Variants in SNED1 observed in about 807,000 individuals in gnomAD.
SNED1 encodes sushi, nidogen and EGF-like domain-containing protein 1.
SNED1 carries 81 observed loss-of-function variants against 166.7 expected under a neutral mutation model. That is an observed-to-expected ratio of 0.49 (90% CI 0.41 to 0.58). The LOEUF (loss-of-function observed/expected upper bound fraction) is 0.58. Among genes scored for constraint, SNED1 ranks in the 20% least tolerant of loss-of-function variants. The probability of loss-of-function intolerance (pLI) is 0.00; values close to 1 mark genes in which losing one functional copy is unlikely to be tolerated. For synonymous variants in SNED1, 762 were observed against 822.0 expected, an observed-to-expected ratio of 0.93 and a Z score of 1.25; for missense variants, 1,604 against 2,000.2, an observed-to-expected ratio of 0.80 and a Z score of 3.78.
rs2061219716 is a variant in SNED1, at chr2:241,032,566, A to G, written c.502-1169A>G. On this transcript the variant is annotated intron_variant, in intron 2 of 31. Coordinates refer to ENST00000310397, the MANE Select transcript of SNED1 (RefSeq NM_001080437.3). ...TAGGTAATGGGTGCAGCACACCAAC[A>G]TGGCACATGTATACATATGTAACAA... Among the ~76,000 whole-genome samples the G allele has an allele frequency of 3.9e-5, 6 of 152,118 alleles. 1 individual carries two copies. The South Asian group carries it at 1.2e-3, about 32-fold the overall frequency.
At chr2:241,020,547 T>C (rs1463970957) in intron 1 of SNED1, among the ~76,000 whole-genome samples, 1 of 152,248 alleles carries the variant, frequency 6.6e-6, no homozygotes, top group Non-Finnish European at 1.5e-5. Flanking sequence ...CTCTTGGCTT[T>C]GGTACTCTTG....
At chr2:241,045,324 G>A (rs935956229) in intron 8 of SNED1, among the ~76,000 whole-genome samples, 7 of 152,176 alleles carry the variant, frequency 4.6e-5, no homozygotes, top group Non-Finnish European at 1.0e-4. Context: ...TATATGGCAA[G>A]AAAAAGAATT....
At chr2:241,016,389 T>C (rs1032279506) in intron 1 of SNED1, among the ~76,000 whole-genome samples, 5 of 151,976 alleles carry the variant, frequency 3.3e-5, no homozygotes, top group Non-Finnish European at 5.9e-5. Flanking sequence ...TTAGTAGAGA[T>C]GGGGTTTCAC....
chr2:241,083,753 C>T (rs576709173), intron 29 of SNED1, among the ~76,000 whole-genome samples: 2 of 152,166 alleles, frequency 1.3e-5, no homozygotes, highest in Non-Finnish European at 2.9e-5. Context: ...TTTAACCTAT[C>T]TGCATATTTC....
At chr2:241,031,946 C>G (rs1223900911) in intron 2 of SNED1, among the ~76,000 whole-genome samples, 2 of 152,224 alleles carry the variant, frequency 1.3e-5, no homozygotes, top group African/African-American at 4.8e-5. Flanking sequence ...ATACCAGGGG[C>G]CTGAGGCGGG....
Position 241,071,703 on chromosome 2 carries a change from CCCCACCCA to C in SNED1, c.3718_3725del (p.Pro1240AlafsTer56). On this transcript the variant is annotated frameshift_variant, in exon 25 of 32. Transcript: ENST00000310397. LOFTEE classifies it high-confidence loss of function. ...TCAATGACCACAGCGCCCCCGAGAC[CCCCACCCA>C]GCCCCCCAGGTACATGCCCCACCCA... 1 of 1,499,144 alleles carries C rather than the reference CCCCACCCA, an allele frequency of 6.7e-7. No individual in the cohort carries two copies. Among genetic ancestry groups the C allele is most frequent in the Non-Finnish European group, 9.0e-7 (1 of 1,113,516 alleles). The allele number at this position is 1,499,144 out of a possible 1,614,324, so 92.9% of individuals were successfully genotyped here. A position where few individuals can be genotyped will look rare whatever the true frequency, so the allele number is the denominator to read the frequency against.
chr2:241,090,481 G>A (rs748137967), intron 31 of SNED1: 15 of 1,507,578 alleles, frequency 9.9e-6, no homozygotes, highest in African/African-American at 5.5e-5. Flanking sequence ...TAGTAAATAC[G>A]TAAACCAGTA....
Position 241,013,854 on chromosome 2 carries a change from A to G in SNED1, c.213+14804A>G, listed in dbSNP as rs899900871. On this transcript the variant is annotated intron_variant, in intron 1 of 31. Coordinates refer to ENST00000310397, the MANE Select transcript of SNED1 (RefSeq NM_001080437.3). The surrounding 1 kb of genome is among the most constrained non-coding windows in gnomAD (Gnocchi z 4.6). ...CATCCGTCAGCAAACACTTAGGTTG[A>G]GTCTATATCTTGCTTATGGGAGTGC... Among the ~76,000 whole-genome samples, 3 of 152,158 alleles carry G rather than the reference A, an allele frequency of 2.0e-5. No individual in the cohort carries two copies. The highest frequency in any genetic ancestry group is 7.2e-5 in the African/African-American group (3 of 41,432).
chr2:241,023,503 T>C (rs975370600), intron 1 of SNED1, among the ~76,000 whole-genome samples: 1 of 152,100 alleles, frequency 6.6e-6, no homozygotes, highest in African/African-American at 2.4e-5. Flanking sequence ...AAATGTTCCA[T>C]TTGTGATATC....
intron 31 of SNED1, chr2:241,090,313 T>G: frequency 6.5e-7 from 1 of 1,549,844 alleles, no homozygotes; most frequent in East Asian, 2.4e-5. Context: ...CTTCTTCCAC[T>G]TCCACATCGT....
At chr2:241,065,991 G>C (rs750298209) in intron 21 of SNED1, among the ~76,000 whole-genome samples, 1 of 152,162 alleles carries the variant, frequency 6.6e-6, no homozygotes, top group Non-Finnish European at 1.5e-5. Flanking sequence ...TGAAGGCCTG[G>C]GGAGAGTTTG....
intron 6 of SNED1, among the ~76,000 whole-genome samples, chr2:241,039,016 C>T (rs889799090): frequency 6.6e-6 from 1 of 152,224 alleles, no homozygotes; most frequent in East Asian, 1.9e-4. Context: ...GGGTCTGCAG[C>T]ATGTCAGTTG....
intron 16 of SNED1, among the ~76,000 whole-genome samples, chr2:241,061,683 G>A (rs1214119339): frequency 1.3e-5 from 2 of 151,920 alleles, no homozygotes; most frequent in African/African-American, 2.4e-5. Flanking sequence ...TCAGGAGTTC[G>A]AGACCAGCCT....
intron 8 of SNED1, chr2:241,041,103 C>T: frequency 3.0e-6 from 1 of 337,446 alleles, no homozygotes. Context: ...TTCTGTTTTA[C>T]CCGTAAGACA....
At chr2:241,015,183 C>G (rs1008425918) in intron 1 of SNED1, among the ~76,000 whole-genome samples, 2 of 152,236 alleles carry the variant, frequency 1.3e-5, no homozygotes, top group African/African-American at 2.4e-5. Context: ...ATTGCATTGA[C>G]TATACAGATC....
chr2:241,049,705 G>A lies in SNED1; in HGVS notation c.1619-112G>A, dbSNP rs2061770224. 6 of 745,986 alleles carry A rather than the reference G, an allele frequency of 8.0e-6. No homozygotes were observed. The South Asian group carries it at 9.6e-5, about 12-fold the overall frequency. 46.2% of individuals were successfully genotyped at this position (745,986 alleles called of 1,614,324 possible). The stretch of plus-strand genomic sequence containing the variant: ...ACAGAGTGTATTTTCAGTGGCCTTG[G>A]TTCCAGACAGGATGTCAGGGTAACC... On this transcript the variant is annotated intron_variant, in intron 11 of 31. Transcript: ENST00000310397.
In SNED1 at chr2:241,090,156, G is replaced by A. The variant is rs2063835388; in HGVS notation, c.*2-1482G>A. ...GCTTAAAATACAAACACACTGTACG[G>A]ATGTTCAAAATTGTTTTCTGTCCTT... On this transcript the variant is annotated intron_variant, in intron 31 of 31. Transcript: ENST00000310397. 4.8e-6 allele frequency: 7 copies of A among 1,462,356 alleles called. No individual in the cohort carries two copies. In the South Asian group the frequency reaches 1.0e-4, roughly 21 times the overall value. The allele number at this position is 1,462,356 out of a possible 1,614,324, so 90.6% of individuals were successfully genotyped here.
chr2:241,053,430 G>A (rs2061943651), intron 16 of SNED1, 104 bp downstream of exon 16: 1 of 1,197,492 alleles, frequency 8.4e-7, no homozygotes, highest in African/African-American at 1.5e-5. Context: ...TGGATGCCCA[G>A]CTCTGACCTG....
At chr2:241,061,124 G>C (rs1015853683) in intron 16 of SNED1, among the ~76,000 whole-genome samples, 2 of 151,874 alleles carry the variant, frequency 1.3e-5, no homozygotes, top group African/African-American at 4.8e-5. Flanking sequence ...ACTACAAACT[G>C]GGAGAAGAGA....
Sources: allele counts gnomAD v4.1 joint callset (sites outside exome capture counted in the v4.1 genomes callset), GRCh38; gene constraint gnomAD v4.1.1; non-coding constraint Gnocchi (gnomAD v3.1); transcripts MANE v1.5; gene names NCBI Gene and HGNC (gene_info 2026-07-23, HGNC 2026-07-21).